Variants in CADM2 observed in about 807,000 individuals in gnomAD.
CADM2 encodes immunoglobulin superfamily member 4D.
In CADM2, 12 loss-of-function variants were observed where a neutral mutation model predicts 49.8. The ratio of observed to expected loss-of-function variants is 0.24; its 90% CI spans 0.15 to 0.39. CADM2 has a LOEUF of 0.39. Among genes scored for constraint, CADM2 ranks in the 10% least tolerant of loss-of-function variants. CADM2 has a pLI of 1.00. For synonymous variants in CADM2, 214 were observed against 175.4 expected (o/e 1.22, Z -1.74); for missense variants, 378 against 492.3 (o/e 0.77, Z 2.20).
At chr3:85,059,231 T>A (rs2036208261) in intron 1 of CADM2, among the ~76,000 whole-genome samples, 2 of 151,516 alleles carry the variant, frequency 1.3e-5, no homozygotes, top group South Asian at 2.1e-4. Context: ...AGAGAGAGAC[T>A]ATGTCTCAAA....
chr3:85,751,721 T>C (rs576608430), intron 2 of CADM2, among the ~76,000 whole-genome samples: 293 of 152,302 alleles, frequency 1.9e-3, no homozygotes, highest in South Asian at 0.016. Context: ...ATATATTTCT[T>C]AAAGGATCTT....
chr3:85,966,031 T>C lies in CADM2; in HGVS notation c.970+4384T>C, dbSNP rs542877897. Among the ~76,000 whole-genome samples, 331 of 151,808 alleles carry C rather than the reference T, an allele frequency of 2.2e-3. 2 individuals are homozygous for C. Among genetic ancestry groups the C allele is most frequent in the Non-Finnish European group, 3.8e-3 (260 of 67,782 alleles). On this transcript the variant is annotated intron_variant, in intron 8 of 9. Transcript: ENST00000383699. The stretch of plus-strand genomic sequence containing the variant: ...TTCTTCCCTCTTAACCTTCCCAGTG[T>C]CTCTTTTACCTCCCTTTAAACTCAT...
chr3:85,774,183 T>G (rs939799186), intron 2 of CADM2, among the ~76,000 whole-genome samples: 1 of 151,826 alleles, frequency 6.6e-6, no homozygotes, highest in Non-Finnish European at 1.5e-5. Context: ...TAAGAACAAA[T>G]ACGGTAAATG....
chr3:85,099,266 A>C (rs2037921409), intron 1 of CADM2, among the ~76,000 whole-genome samples: 1 of 152,178 alleles, frequency 6.6e-6, no homozygotes, highest in South Asian at 2.1e-4. Context: ...GAGGAGAAGG[A>C]AGTGTAAAGA....
At chr3:85,483,652 A>AAT (rs2039303622) in intron 1 of CADM2, among the ~76,000 whole-genome samples, 2 of 150,244 alleles carry the variant, frequency 1.3e-5, no homozygotes, top group South Asian at 2.1e-4. Flanking sequence ...ATATATATGT[A>AAT]ATATATATAT....
At chr3:85,110,392 C>G (rs182310389) in intron 1 of CADM2, among the ~76,000 whole-genome samples, 1 of 151,964 alleles carries the variant, frequency 6.6e-6, no homozygotes, top group African/African-American at 2.4e-5. Flanking sequence ...AGACACAACA[C>G]TCTCATTTCT....
intron 1 of CADM2, among the ~76,000 whole-genome samples, chr3:85,101,045 G>C (rs1186320742): frequency 1.3e-5 from 2 of 152,096 alleles, no homozygotes; most frequent in Non-Finnish European, 2.9e-5. Flanking sequence ...CACAAGGTTA[G>C]GAGTTCAAGA....
At chr3:85,807,632 T>C (rs1270775137) in intron 3 of CADM2, among the ~76,000 whole-genome samples, 2 of 152,108 alleles carry the variant, frequency 1.3e-5, no homozygotes, top group Non-Finnish European at 2.9e-5. Context: ...CATGTGTAGA[T>C]ATTTAAATTT....
chr3:85,722,920 T>G (rs1181472883), intron 1 of CADM2, among the ~76,000 whole-genome samples: 1 of 152,200 alleles, frequency 6.6e-6, no homozygotes, highest in Non-Finnish European at 1.5e-5. Context: ...GTGTCTAATT[T>G]AAAACTGATT....
intron 1 of CADM2, among the ~76,000 whole-genome samples, chr3:85,603,316 A>C (rs561939908): frequency 6.6e-6 from 1 of 151,908 alleles, no homozygotes; most frequent in Admixed American, 6.6e-5. Context: ...GAAGGGATAC[A>C]GTTGGTAGTT....
intron 1 of CADM2, among the ~76,000 whole-genome samples, chr3:85,589,544 A>G (rs1213575266): frequency 6.6e-6 from 1 of 151,972 alleles, no homozygotes; most frequent in Non-Finnish European, 1.5e-5. Context: ...GGCTGGTCTA[A>G]CGCAGGCCTT....
At chr3:85,863,015 A>T (rs561489559) in intron 3 of CADM2, among the ~76,000 whole-genome samples, 8 of 152,298 alleles carry the variant, frequency 5.3e-5, no homozygotes, top group Admixed American at 1.3e-4. Flanking sequence ...CTAATTCTGA[A>T]CTGCTTATTA....
intron 1 of CADM2, among the ~76,000 whole-genome samples, chr3:85,705,076 C>G (rs1192861779): frequency 1.4e-5 from 2 of 147,432 alleles, no homozygotes; most frequent in Non-Finnish European, 3.0e-5. Flanking sequence ...CCTGGTTAGC[C>G]TGGATGGTCT....
At chr3:85,813,556 G>A (rs1426052675) in intron 3 of CADM2, among the ~76,000 whole-genome samples, 3 of 152,064 alleles carry the variant, frequency 2.0e-5, no homozygotes, top group Non-Finnish European at 4.4e-5. Context: ...GATCCCCTTT[G>A]TCAATTTTGG....
At chr3:85,308,874 T>C (rs535756743) in intron 1 of CADM2, among the ~76,000 whole-genome samples, 3 of 152,082 alleles carry the variant, frequency 2.0e-5, no homozygotes, top group African/African-American at 7.2e-5. Flanking sequence ...TCTTCCTTAC[T>C]ACAATAATAG....
chr3:85,954,354 A>G (rs1723792018), intron 7 of CADM2, among the ~76,000 whole-genome samples: 1 of 151,018 alleles, frequency 6.6e-6, no homozygotes, highest in African/African-American at 2.4e-5. Flanking sequence ...TAAAATTTGT[A>G]ATGATCACTG....
At chr3:85,022,692 C>G (rs895550680) in intron 1 of CADM2, among the ~76,000 whole-genome samples, 37 of 152,124 alleles carry the variant, frequency 2.4e-4, no homozygotes, top group African/African-American at 8.9e-4. Context: ...TTTTTCCCTC[C>G]CTGCTCTTTG....
intron 6 of CADM2, among the ~76,000 whole-genome samples, chr3:85,912,811 G>A (rs369178144): frequency 2.6e-5 from 4 of 152,110 alleles, no homozygotes; most frequent in South Asian, 2.1e-4. Flanking sequence ...AGGCGTGCAC[G>A]TAAGGGTGGG....
intron 1 of CADM2, among the ~76,000 whole-genome samples, chr3:85,086,595 T>A (rs2107513290): frequency 6.8e-6 from 1 of 147,288 alleles, no homozygotes; most frequent in African/African-American, 2.5e-5. Context: ...CACGGCAGCC[T>A]CCACATCTCG....
Sources: gnomAD v4.1 joint callset for allele counts (sites outside exome capture counted in the v4.1 genomes callset) on GRCh38, gnomAD v4.1.1 for gene constraint, MANE v1.5 for transcripts, NCBI Gene and HGNC (gene_info 2026-07-23, HGNC 2026-07-21) for gene names.